The following CAMK2A variants were observed in gnomAD, a reference collection of about 807,000 sequenced individuals.
The protein encoded by CAMK2A is calcium/calmodulin dependent protein kinase II alpha.
A neutral mutation model predicts 79.2 loss-of-function variants in CAMK2A; 7 were observed. That is an observed-to-expected ratio of 0.09 (90% CI 0.05 to 0.17). The LOEUF (loss-of-function observed/expected upper bound fraction) is 0.17. CAMK2A is among the 10% of genes least tolerant of loss of function. CAMK2A has a pLI of 1.00. For synonymous variants in CAMK2A, 242 were observed against 251.7 expected (o/e 0.96, Z 0.36); for missense variants, 214 against 646.4 (o/e 0.33, Z 7.25).
chr5:150,251,632 A>C (rs1474264882), intron 9 of CAMK2A, 118 bp downstream of exon 9: 1 of 670,194 alleles, frequency 1.5e-6, no homozygotes, highest in Non-Finnish European at 2.5e-6. Context: ...GGCCCTGGTC[A>C]GTCTTCATGC....
Position 150,284,222 on chromosome 5 carries a change from C to T in CAMK2A, c.62+5342G>A, listed in dbSNP as rs545949846. 1.3e-5 allele frequency among the ~76,000 whole-genome samples: 2 copies of T among 152,302 alleles called. No individual in the cohort carries two copies. The highest frequency in any genetic ancestry group is 4.8e-5 in the African/African-American group (2 of 41,556). On this transcript the variant is annotated intron_variant, in intron 1 of 18. Transcript: ENST00000671881. This position sits in a 1 kb window ranked among gnomAD's most constrained non-coding sequence, Gnocchi z 5.3. ...GAGAAGAACACAGAGAAAGACAAGC[C>T]CTGCTAGCACCATCTTGCTATCCCT...
At chr5:150,261,432 G>C (rs1030535897) in intron 3 of CAMK2A, among the ~76,000 whole-genome samples, 2 of 152,168 alleles carry the variant, frequency 1.3e-5, no homozygotes, top group Non-Finnish European at 2.9e-5. Context: ...CTATCATCAT[G>C]GTCCTGTCTC....
At chr5:150,241,515 T>C (rs1755339306) in intron 13 of CAMK2A, among the ~76,000 whole-genome samples, 1 of 127,856 alleles carries the variant, frequency 7.8e-6, no homozygotes, top group Non-Finnish European at 1.6e-5. Flanking sequence ...CCTCTCCTCC[T>C]CCCTCTTTTC....
chr5:150,289,669 G>A lies in CAMK2A; in HGVS notation c.-44C>T, dbSNP rs772598947. 22 of 1,520,604 alleles carry A rather than the reference G, an allele frequency of 1.4e-5. 1 individual carries two copies. The South Asian group carries it at 2.1e-4, about 15-fold the overall frequency. 94.2% of individuals were successfully genotyped at this position (1,520,604 alleles called of 1,614,324 possible). The stretch of plus-strand genomic sequence containing the variant: ...GGTGAGGCTTGGGACTGGGGGACCA[G>A]GACTGAGGCGCTGCTGCTCTGCTCC... On this transcript the variant is annotated 5_prime_UTR_variant, in exon 1 of 19. Coordinates refer to ENST00000671881, the MANE Select transcript of CAMK2A (RefSeq NM_015981.4).
In CAMK2A at chr5:150,247,772, C is replaced by T. The variant is rs1449666180; in HGVS notation, c.943G>A (p.Gly315Arg). ...GGGACCCTGAGGTCCTGCCACCTACCGGAGAAGTTCCTGGTGGCCAGCATC... is the reference window on the plus strand; with the variant it reads ...GGGACCCTGAGGTCCTGCCACCTACTGGAGAAGTTCCTGGTGGCCAGCATC... ...TTMLATRNFSGGKSGGNKKSD... is the reference protein window; with the variant it reads ...TTMLATRNFSRGKSGGNKKSD... Residue 315 changes from glycine (G) to arginine (R), a missense_variant and splice_region_variant, in exon 12 of 19, where the codon GGA becomes AGA. By Grantham distance (125) the Gly-to-Arg change is moderately radical. Coordinates refer to ENST00000671881, the MANE Select transcript of CAMK2A (RefSeq NM_015981.4). The T allele has an allele frequency of 6.2e-7, 1 of 1,610,922 alleles. No individual in the cohort carries two copies. Among genetic ancestry groups the T allele is most frequent in the South Asian group, 1.1e-5 (1 of 90,036 alleles).
chr5:150,250,079 AC>A (rs1755766288), intron 11 of CAMK2A, 146 bp downstream of exon 11: 5 of 628,110 alleles, frequency 8.0e-6, no homozygotes, highest in Non-Finnish European at 1.4e-5. Flanking sequence ...CCCAAGCCCA[AC>A]CTGCTGTCCA....
At position 150,227,514 on chromosome 5, in the gene CAMK2A, C is replaced by T. The variant is rs951094559; in HGVS notation, c.1237+678G>A. 1.1e-4 allele frequency among the ~76,000 whole-genome samples: 17 copies of T among 152,246 alleles called. 1 individual carries two copies. Among genetic ancestry groups the T allele is most frequent in the Admixed American group, 7.8e-4 (12 of 15,292 alleles). On this transcript the variant is annotated intron_variant, in intron 17 of 18. Coordinates refer to ENST00000671881, the MANE Select transcript of CAMK2A (RefSeq NM_015981.4). ...AAGCTGCATGATTCTAACCTGTGTG[C>T]GTTTTGGTTCATCCCTATCTGACCC... is the stretch of plus-strand genomic sequence containing the variant.
chr5:150,248,412 T>C (rs1755671678), intron 11 of CAMK2A, among the ~76,000 whole-genome samples: 1 of 151,594 alleles, frequency 6.6e-6, no homozygotes, highest in Non-Finnish European at 1.5e-5. Context: ...TGTATACATG[T>C]GCCACGTTGG....
intron 2 of CAMK2A, among the ~76,000 whole-genome samples, chr5:150,268,879 C>A (rs112172144): frequency 1.1e-3 from 160 of 152,126 alleles, no homozygotes; most frequent in African/African-American, 3.7e-3. Context: ...CCCTTCTCTG[C>A]CTCCCTCTTG....
At chr5:150,244,507 G>C (rs1229477571) in intron 13 of CAMK2A, among the ~76,000 whole-genome samples, 1 of 152,244 alleles carries the variant, frequency 6.6e-6, no homozygotes, top group Non-Finnish European at 1.5e-5. Context: ...AGGGGACCAG[G>C]CCCCAGAGAG....
intron 15 of CAMK2A, among the ~76,000 whole-genome samples, chr5:150,231,982 A>G (rs936854371): frequency 6.6e-6 from 1 of 152,114 alleles, no homozygotes; most frequent in African/African-American, 2.4e-5. Flanking sequence ...AATGAATCCC[A>G]TTTGCTGAGA....
chr5:150,271,782 A>G (rs1756759048), intron 2 of CAMK2A, among the ~76,000 whole-genome samples: 1 of 152,214 alleles, frequency 6.6e-6, no homozygotes, highest in Non-Finnish European at 1.5e-5. Flanking sequence ...TCAAACACAG[A>G]GTAATGGCAA....
intron 1 of CAMK2A, among the ~76,000 whole-genome samples, chr5:150,273,389 C>T (rs970308708): frequency 6.6e-6 from 1 of 152,204 alleles, no homozygotes; most frequent in African/African-American, 2.4e-5. Context: ...TGAGAGGAGC[C>T]TGCCAACGTC....
In CAMK2A at chr5:150,237,669, G is replaced by A. The variant is rs569332438; in HGVS notation, c.1066+1031C>T. On this transcript the variant is annotated intron_variant, in intron 15 of 18. Transcript: ENST00000671881. The stretch of plus-strand genomic sequence containing the variant: ...CGACAGAGTACAGGCCAACATACCC[G>A]GCCTCTCTGTCCTCTGTTTCCTCAG... 9.2e-5 allele frequency among the ~76,000 whole-genome samples: 14 copies of A among 152,104 alleles called. No individual in the cohort carries two copies. The Middle Eastern group carries it at 0.01, about 111-fold the overall frequency.
chr5:150,283,957 C>T (rs1019849618), intron 1 of CAMK2A, among the ~76,000 whole-genome samples: 1 of 152,156 alleles, frequency 6.6e-6, no homozygotes, highest in African/African-American at 2.4e-5. Context: ...CACCTGACAC[C>T]GTGGTAGACA....
chr5:150,279,879 G>A (rs913589682), intron 1 of CAMK2A, among the ~76,000 whole-genome samples: 15 of 152,236 alleles, frequency 9.9e-5, no homozygotes, highest in Admixed American at 6.5e-4. Context: ...CTAGCTGCCT[G>A]GCAGACAAGG....
intron 11 of CAMK2A, among the ~76,000 whole-genome samples, chr5:150,249,255 T>C (rs975248420): frequency 2.0e-5 from 3 of 152,374 alleles, no homozygotes; most frequent in South Asian, 2.1e-4. Flanking sequence ...GGCCAGGAGC[T>C]GTCACCACCC....
intron 2 of CAMK2A, 105 bp from the exon 3 acceptor site, chr5:150,265,120 C>A: frequency 2.4e-6 from 2 of 845,156 alleles, no homozygotes; most frequent in Non-Finnish European, 4.0e-6. Context: ...AGGGCAGCCC[C>A]TGGGGGCTGG....
intron 2 of CAMK2A, among the ~76,000 whole-genome samples, chr5:150,270,938 T>C (rs1017945327): frequency 3.9e-5 from 6 of 152,012 alleles, no homozygotes; most frequent in African/African-American, 1.5e-4. Flanking sequence ...AACGTGCAAG[T>C]GTGTGTGTGA....
Sources: allele counts gnomAD v4.1 joint callset (sites outside exome capture counted in the v4.1 genomes callset), GRCh38; gene constraint gnomAD v4.1.1; non-coding constraint Gnocchi (gnomAD v3.1); transcripts MANE v1.5; gene names NCBI Gene and HGNC (gene_info 2026-07-23, HGNC 2026-07-21).